Variants in DISC1 observed in about 807,000 individuals in gnomAD.
DISC1 encodes the protein DISC1 scaffold protein, also known as disrupted in schizophrenia 1 protein.
DISC1 carries 57 observed loss-of-function variants against 84.5 expected under a neutral mutation model. That is an observed-to-expected ratio of 0.67 (90% confidence interval 0.55 to 0.84). The LOEUF (loss-of-function observed/expected upper bound fraction) is 0.84. Among genes scored for constraint, DISC1 ranks in the 40% least tolerant of loss-of-function variants. The probability of loss-of-function intolerance (pLI) is 0.00; values close to 1 mark genes in which losing one functional copy is unlikely to be tolerated. For synonymous variants in DISC1, 411 were observed against 415.2 expected (o/e 0.99, Z 0.12); for missense variants, 1,000 against 1,057.8 (o/e 0.95, Z 0.76).
intron 9 of DISC1, among the ~76,000 whole-genome samples, chr1:231,854,211 A>G (rs1468692083): frequency 6.6e-6 from 1 of 152,156 alleles, no homozygotes; most frequent in Non-Finnish European, 1.5e-5. Context: ...GATTGTGGGT[A>G]AGTCATTCTA....
chr1:231,694,612 C>T lies in DISC1; in HGVS notation c.854C>T (p.Ser285Phe). The T allele has an allele frequency of 6.2e-7, 1 of 1,614,272 alleles. No individual in the cohort carries two copies. Among genetic ancestry groups the T allele is most frequent in the Non-Finnish European group, 8.5e-7 (1 of 1,180,054 alleles). The change falls in exon 2 of 13, where the codon TCC becomes TTC. Residue 285 changes from serine (S) to phenylalanine (F), a missense_variant. Transcript: ENST00000439617. ...TTGGCCCAGGCCGCAAGGAACAGCT[C>T]CAGGCCAGAGCGTGACATGCATTCT... Reference protein sequence around the residue: ...ADLAQAARNSSRPERDMHSLP... With the variant: ...ADLAQAARNSFRPERDMHSLP...
chr1:231,842,242 A>T (rs1177659423), intron 9 of DISC1, among the ~76,000 whole-genome samples: 1 of 152,134 alleles, frequency 6.6e-6, no homozygotes, highest in Non-Finnish European at 1.5e-5. Context: ...GTCTCAAGCA[A>T]TCCTCTCACC....
intron 7 of DISC1, 58 bp downstream of exon 7, chr1:231,795,354 G>C (rs1211081542): frequency 2.0e-6 from 3 of 1,476,604 alleles, no homozygotes; most frequent in Non-Finnish European, 2.8e-6. Flanking sequence ...CGTTTGACTT[G>C]ATTTTACATC....
At chr1:231,866,292 A>G (rs866533870) in intron 9 of DISC1, among the ~76,000 whole-genome samples, 1 of 152,172 alleles carries the variant, frequency 6.6e-6, no homozygotes, top group African/African-American at 2.4e-5. Flanking sequence ...GCCATTGACT[A>G]ATTAGGCAAC....
chr1:231,656,699 G>A (rs540814913), intron 1 of DISC1, among the ~76,000 whole-genome samples: 6 of 152,256 alleles, frequency 3.9e-5, no homozygotes, highest in Non-Finnish European at 7.4e-5. Flanking sequence ...CGTGTGCCAT[G>A]GTGGTTTGCT....
chr1:231,979,791 A>G (rs1274133758), intron 10 of DISC1, among the ~76,000 whole-genome samples: 1 of 151,880 alleles, frequency 6.6e-6, no homozygotes, highest in Non-Finnish European at 1.5e-5. Flanking sequence ...TGTTATTAAT[A>G]CTATAAAAAC....
chr1:231,840,900 A>C (rs1158001140), intron 9 of DISC1, among the ~76,000 whole-genome samples: 2 of 151,990 alleles, frequency 1.3e-5, no homozygotes, highest in Non-Finnish European at 2.9e-5. Flanking sequence ...AGTGAATTTT[A>C]CTGCGTGTAA....
intron 10 of DISC1, among the ~76,000 whole-genome samples, chr1:231,985,510 A>G (rs1391406366): frequency 6.6e-6 from 1 of 152,178 alleles, no homozygotes; most frequent in Non-Finnish European, 1.5e-5. Context: ...TAAAGATTAG[A>G]GTTCTGGGAA....
intron 3 of DISC1, among the ~76,000 whole-genome samples, chr1:231,729,201 A>G (rs2071181789): frequency 6.6e-6 from 1 of 152,238 alleles, no homozygotes; most frequent in South Asian, 2.1e-4. Flanking sequence ...GTAGTATTCC[A>G]TGGTGTATAT....
At chr1:231,687,690 A>G (rs189784532) in intron 1 of DISC1, among the ~76,000 whole-genome samples, 4 of 152,312 alleles carry the variant, frequency 2.6e-5, no homozygotes, top group East Asian at 1.9e-4. Flanking sequence ...TGGACTTCCA[A>G]TTTTAGGCCA....
At chr1:231,704,379 A>G (rs2066766246) in intron 3 of DISC1, among the ~76,000 whole-genome samples, 1 of 152,124 alleles carries the variant, frequency 6.6e-6, no homozygotes, top group Non-Finnish European at 1.5e-5. Flanking sequence ...TATGTGAAAA[A>G]TATCTATTAA....
chr1:231,993,895 A>T (rs996326656), intron 10 of DISC1, among the ~76,000 whole-genome samples: 1 of 152,172 alleles, frequency 6.6e-6, no homozygotes, highest in Non-Finnish European at 1.5e-5. Context: ...TTCTCTCTTC[A>T]CCCTGGTATA....
At chr1:231,980,424 T>C (rs1248875895) in intron 10 of DISC1, among the ~76,000 whole-genome samples, 1 of 152,224 alleles carries the variant, frequency 6.6e-6, no homozygotes, top group East Asian at 1.9e-4. Context: ...TGACTCACAC[T>C]GTGATGATAT....
chr1:231,931,966 T>C (rs1220145281), intron 9 of DISC1, among the ~76,000 whole-genome samples: 1 of 152,106 alleles, frequency 6.6e-6, no homozygotes, highest in Non-Finnish European at 1.5e-5. Flanking sequence ...CCTGTGATAT[T>C]TTTCACCAGC....
intron 1 of DISC1, among the ~76,000 whole-genome samples, chr1:231,665,297 C>G (rs576572421): frequency 5.7e-4 from 84 of 148,160 alleles, no homozygotes; most frequent in African/African-American, 1.8e-3. Flanking sequence ...TTATCTCTTT[C>G]AGTTCTCACA....
At chr1:231,835,780 C>T (rs1445049227) in intron 9 of DISC1, among the ~76,000 whole-genome samples, 1 of 152,066 alleles carries the variant, frequency 6.6e-6, no homozygotes, top group African/African-American at 2.4e-5. Flanking sequence ...GTGAAATTAA[C>T]CCCTCATCAT....
At chr1:232,005,661 C>A (rs771777363) in intron 10 of DISC1, among the ~76,000 whole-genome samples, 1 of 152,036 alleles carries the variant, frequency 6.6e-6, no homozygotes, top group Non-Finnish European at 1.5e-5. Context: ...TCCTTCCGAT[C>A]TCATCATTTA....
intron 9 of DISC1, among the ~76,000 whole-genome samples, chr1:231,907,306 T>A (rs959405628): frequency 3.3e-5 from 5 of 151,816 alleles, no homozygotes; most frequent in Middle Eastern, 3.4e-3. Context: ...CCTAATGCTA[T>A]CCCTCCCCAC....
chr1:231,755,246 G>T (rs1160512387), intron 4 of DISC1, among the ~76,000 whole-genome samples: 1 of 149,656 alleles, frequency 6.7e-6, no homozygotes, highest in Non-Finnish European at 1.5e-5. Flanking sequence ...TCACTCTATT[G>T]GCCAGGCTGG....
Sources: allele counts gnomAD v4.1 joint callset (sites outside exome capture counted in the v4.1 genomes callset), GRCh38; gene constraint gnomAD v4.1.1; transcripts MANE v1.5; gene names NCBI Gene and HGNC (gene_info 2026-07-23, HGNC 2026-07-21).